The following PCDHGA4 variants were observed in gnomAD, a reference collection of about 807,000 sequenced individuals.
PCDHGA4 encodes the protein protocadherin gamma-A4.
In PCDHGA4, 38 loss-of-function variants were observed where a neutral mutation model predicts 54.6. The observed-to-expected ratio is 0.70, with a 90% CI of 0.54 to 0.91. PCDHGA4 has a LOEUF of 0.91. PCDHGA4 is among the 40% of genes least tolerant of loss of function. The probability of loss-of-function intolerance (pLI) is 0.00; values close to 1 mark genes in which losing one functional copy is unlikely to be tolerated. For missense variants in PCDHGA4, 1,298 were observed against 1,220.9 expected, an observed-to-expected ratio of 1.06 and a Z score of -0.94; for synonymous variants, 511 against 512.9, an observed-to-expected ratio of 1.00 and a Z score of 0.05.
intron 1 of PCDHGA4, chr5:141,409,204 C>A: frequency 6.2e-7 from 1 of 1,613,942 alleles, no homozygotes; most frequent in South Asian, 1.1e-5. Flanking sequence ...GTAAAGTAAT[C>A]ATAGAAATCC....
At position 141,410,301 on chromosome 5, in the gene PCDHGA4, C is replaced by A. The variant is rs1294760427; in HGVS notation, c.2514+52680C>A. ...CTGGTGGTGGCCTTGGCCTTAATCT[C>A]AGTGCTCTTCCTCCTCGCCGTGATT... On this transcript the variant is annotated intron_variant, in intron 1 of 3. Transcript: ENST00000571252. 2.5e-6 allele frequency: 4 copies of A among 1,614,030 alleles called. No individual in the cohort carries two copies. In the Admixed American group the frequency reaches 6.7e-5, roughly 27 times the overall value.
chr5:141,485,734 C>T lies in PCDHGA4; in HGVS notation c.2515-9073C>T. ...CACTGGATGTGAAGAAGCGCAGCGACGGCAGCCTGGTCCCAGAGCTGCTCC... is the reference window on the plus strand; with the variant it reads ...CACTGGATGTGAAGAAGCGCAGCGATGGCAGCCTGGTCCCAGAGCTGCTCC... On this transcript the variant is annotated intron_variant, in intron 1 of 3. Transcript: ENST00000571252. This position sits in a 1 kb window ranked among gnomAD's most constrained non-coding sequence, Gnocchi z 5.7. The T allele has an allele frequency of 6.2e-7, 1 of 1,614,210 alleles. No individual in the cohort carries two copies. The highest frequency in any genetic ancestry group is 8.5e-7 in the Non-Finnish European group (1 of 1,180,028).
intron 1 of PCDHGA4, among the ~76,000 whole-genome samples, chr5:141,444,862 A>G (rs781224880): frequency 1.8e-4 from 28 of 152,198 alleles, no homozygotes; most frequent in Non-Finnish European, 2.9e-4. Flanking sequence ...AAGTCTTACT[A>G]CAGGACAAAG....
At position 141,455,318 on chromosome 5, in the gene PCDHGA4, G is replaced by A. The variant is rs534507768; in HGVS notation, c.2515-39489G>A. On this transcript the variant is annotated intron_variant, in intron 1 of 3. Transcript: ENST00000571252. ...TTTCATCTTGCATTAGCAATTTTGT[G>A]TGTGTGTTTGTGGTTTTAAGGAGCG... is the stretch of plus-strand genomic sequence containing the variant. Among the ~76,000 whole-genome samples the A allele has an allele frequency of 2.4e-4, 37 of 152,186 alleles. No individual in the cohort carries two copies. The South Asian group carries it at 5.6e-3, about 23-fold the overall frequency.
intron 1 of PCDHGA4, among the ~76,000 whole-genome samples, chr5:141,438,629 TATATATACACAC>T (rs1343412075): frequency 0.05 from 2,378 of 47,602 alleles, 22 homozygotes; most frequent in African/African-American, 0.12. Context: ...TATATATATA[TATATATACACAC>T]ACACACACAC....
intron 1 of PCDHGA4, among the ~76,000 whole-genome samples, chr5:141,446,411 G>A (rs778985047): frequency 1.3e-5 from 2 of 152,086 alleles, no homozygotes; most frequent in Non-Finnish European, 2.9e-5. Flanking sequence ...TTGAGTTCCA[G>A]CCATGTTCAT....
At chr5:141,366,457 C>A (rs747734622) in intron 1 of PCDHGA4, 11 of 1,614,106 alleles carry the variant, frequency 6.8e-6, no homozygotes, top group Non-Finnish European at 6.8e-6. Flanking sequence ...CCTTCGTCAT[C>A]GTGCTGCTGG....
intron 1 of PCDHGA4, chr5:141,374,308 C>T: frequency 6.2e-7 from 1 of 1,613,970 alleles, no homozygotes; most frequent in Non-Finnish European, 8.5e-7. Flanking sequence ...TGCAGCTTTT[C>T]TCTCTGAATC....
intron 1 of PCDHGA4, chr5:141,371,305 T>G: frequency 6.2e-7 from 1 of 1,613,940 alleles, no homozygotes; most frequent in Non-Finnish European, 8.5e-7. Context: ...CTCACCACTA[T>G]TGGAGAACTG....
chr5:141,400,954 G>A (rs1195267748), intron 1 of PCDHGA4, among the ~76,000 whole-genome samples: 1 of 152,014 alleles, frequency 6.6e-6, no homozygotes, highest in African/African-American at 2.4e-5. Context: ...GATTTCACTG[G>A]TAGTTTTCAT....
chr5:141,462,268 A>C (rs982301403), intron 1 of PCDHGA4, among the ~76,000 whole-genome samples: 3 of 152,196 alleles, frequency 2.0e-5, no homozygotes, highest in African/African-American at 7.2e-5. Flanking sequence ...CCTAAAGTGT[A>C]TTGTTTAGTC....
At chr5:141,374,158 G>T in intron 1 of PCDHGA4, 1 of 1,612,410 alleles carries the variant, frequency 6.2e-7, no homozygotes, top group Non-Finnish European at 8.5e-7. Flanking sequence ...CGCTGTGGGG[G>T]GCCGCGGCAG....
At chr5:141,441,818 TG>T in intron 1 of PCDHGA4, 1 of 359,922 alleles carries the variant, frequency 2.8e-6, no homozygotes, top group Non-Finnish European at 5.5e-6. Flanking sequence ...ACCCCAGCTC[TG>T]GAGCGCAATG....
intron 1 of PCDHGA4, among the ~76,000 whole-genome samples, chr5:141,449,579 ACT>A (rs370512396): frequency 0.052 from 7,360 of 141,924 alleles, 400 homozygotes; most frequent in African/African-American, 0.14. Flanking sequence ...ACAGAGCAAG[ACT>A]CTGTCTCAAA....
At chr5:141,388,676 G>A in intron 1 of PCDHGA4, 7 of 1,613,946 alleles carry the variant, frequency 4.3e-6, no homozygotes, top group East Asian at 2.2e-5. Flanking sequence ...TGCTACAGGT[G>A]ACTGCCACGG....
At chr5:141,509,163 C>T (rs561329093) in intron 3 of PCDHGA4, among the ~76,000 whole-genome samples, 1 of 152,204 alleles carries the variant, frequency 6.6e-6, no homozygotes, top group East Asian at 1.9e-4. Context: ...CTCCCGTGTG[C>T]CCTCCTCCTC....
intron 3 of PCDHGA4, among the ~76,000 whole-genome samples, chr5:141,510,230 G>A (rs1285202719): frequency 2.7e-5 from 4 of 149,638 alleles, no homozygotes; most frequent in Non-Finnish European, 5.9e-5. Context: ...CCGGGATCGC[G>A]CCACTGCACT....
rs778589637 is a variant in PCDHGA4 at position 141,487,133 on chromosome 5, C to T, written c.2515-7674C>T. On this transcript the variant is annotated intron_variant, in intron 1 of 3. Coordinates refer to ENST00000571252, the MANE Select transcript of PCDHGA4 (RefSeq NM_018917.4). The surrounding 1 kb of genome is among the most constrained non-coding windows in gnomAD (Gnocchi z 5.0). ...TGTGGTAAAGGATAGTGGTAGTCCA[C>T]CACTCTCTACCTCTGTTACTCTCTT... 8.7e-6 allele frequency: 14 copies of T among 1,613,932 alleles called. No homozygotes were observed. In the South Asian group the frequency reaches 1.5e-4, roughly 18 times the overall value.
At position 141,375,795 on chromosome 5, in the gene PCDHGA4, G is replaced by T. The variant is rs765881835; in HGVS notation, c.2514+18174G>T. Reference sequence around the variant, plus strand: ...CTGTACCCCGCCCTCCCCACAGACGGTTCCACTGGCGTGGAGCTGGCGCCC... The same window carrying T: ...CTGTACCCCGCCCTCCCCACAGACGTTTCCACTGGCGTGGAGCTGGCGCCC... On this transcript the variant is annotated intron_variant, in intron 1 of 3. Coordinates refer to ENST00000571252, the MANE Select transcript of PCDHGA4 (RefSeq NM_018917.4). 4 of 1,614,218 alleles carry T rather than the reference G, an allele frequency of 2.5e-6. No individual in the cohort carries two copies. The South Asian group carries it at 3.3e-5, about 13-fold the overall frequency.
Sources: allele counts gnomAD v4.1 joint callset (sites outside exome capture counted in the v4.1 genomes callset), GRCh38; gene constraint gnomAD v4.1.1; non-coding constraint Gnocchi (gnomAD v3.1); transcripts MANE v1.5; gene names NCBI Gene and HGNC (gene_info 2026-07-23, HGNC 2026-07-21).